The following BCAR3 variants were observed in gnomAD, a reference collection of about 807,000 sequenced individuals.
The protein encoded by BCAR3 is breast cancer anti-estrogen resistance protein 3.
In BCAR3, 37 loss-of-function variants were observed where a neutral mutation model predicts 80.1. The ratio of observed to expected loss-of-function variants is 0.46; its 90% confidence interval spans 0.36 to 0.61. BCAR3 has a LOEUF of 0.61. Among genes scored for constraint, BCAR3 ranks in the 20% least tolerant of loss-of-function variants. The pLI, the probability that BCAR3 is intolerant of heterozygous loss-of-function variation, is 0.00. For synonymous variants in BCAR3, 389 were observed against 418.9 expected (o/e 0.93, Z 0.87); for missense variants, 978 against 1,068.2 (o/e 0.92, Z 1.18).
chr1:93,674,811 A>C lies in BCAR3; in HGVS notation c.120T>G (p.Asp40Glu). The C allele has an allele frequency of 6.2e-7, 1 of 1,607,832 alleles. No homozygotes were observed. Among genetic ancestry groups the C allele is most frequent in the Non-Finnish European group, 8.5e-7 (1 of 1,177,728 alleles). The change falls in exon 2 of 12, where the codon GAT (aspartate) becomes GAG (glutamate). Residue 40 changes from aspartate (D) to glutamate (E), a missense_variant. By Grantham distance (45) the Asp-to-Glu change is conservative. Coordinates refer to ENST00000260502, the MANE Select transcript of BCAR3 (RefSeq NM_003567.4). ...CATGTATAGACACATCTTGATAGGC[A>C]TCTGGGCGATGCTCAGCGAGAGGGG... is the stretch of plus-strand genomic sequence containing the variant. Reference protein sequence around the residue: ...SRSPLAEHRPDAYQDVSIHGT... With the variant: ...SRSPLAEHRPEAYQDVSIHGT...
intron 2 of BCAR3, among the ~76,000 whole-genome samples, chr1:93,654,446 TCTG>T (rs1647274615): frequency 1.3e-5 from 2 of 152,040 alleles, no homozygotes; most frequent in Admixed American, 1.3e-4. Context: ...GGAACTGAAT[TCTG>T]CCAATAACCT....
chr1:93,813,062 T>G (rs1054112066), intron 2 of BCAR3, among the ~76,000 whole-genome samples: 1 of 152,150 alleles, frequency 6.6e-6, no homozygotes, highest in Non-Finnish European at 1.5e-5. Context: ...GGTTCCACCC[T>G]GCATCCCTCC....
chr1:93,760,036 T>C (rs1171453202), intron 2 of BCAR3, among the ~76,000 whole-genome samples: 1 of 152,018 alleles, frequency 6.6e-6, no homozygotes, highest in African/African-American at 2.4e-5. Context: ...GGAGGAAGGG[T>C]AACTTACGTA....
chr1:93,644,091 C>T (rs1274725968), intron 2 of BCAR3, among the ~76,000 whole-genome samples: 1 of 152,128 alleles, frequency 6.6e-6, no homozygotes, highest in South Asian at 2.1e-4. Flanking sequence ...AATATTTTAC[C>T]CCAAAACATG....
rs115118668 is a variant in BCAR3 at position 93,806,542 on chromosome 1, T to C, written c.-63+39025A>G. On this transcript the variant is annotated intron_variant, in intron 2 of 13. Coordinates refer to the BCAR3 transcript ENST00000370244. Reference sequence around the variant, plus strand: ...TGTGGTGACAACTCTTAGTGGTTAATCTTTCCTGGTTATTTGATGAAATTC... The same window carrying C: ...TGTGGTGACAACTCTTAGTGGTTAACCTTTCCTGGTTATTTGATGAAATTC... Among the ~76,000 whole-genome samples the C allele has an allele frequency of 7.8e-3, 1,190 of 152,322 alleles. 14 individuals carry two copies. Among genetic ancestry groups the C allele is most frequent in the African/African-American group, 0.028 (1,150 of 41,574 alleles).
intron 2 of BCAR3, among the ~76,000 whole-genome samples, chr1:93,733,371 G>C (rs1650861433): frequency 6.6e-6 from 1 of 152,252 alleles, no homozygotes; most frequent in South Asian, 2.1e-4. Context: ...CAAGACAGTG[G>C]GCAGGACAGT....
At position 93,643,896 on chromosome 1, in the gene BCAR3, A is replaced by G. The variant is rs149416762; in HGVS notation, c.318-1553T>C. Reference sequence around the variant, plus strand: ...CATGTATTCCATAGCATCATGTTGTATATCTTGGATACATACTGAGGACTA... The same window carrying G: ...CATGTATTCCATAGCATCATGTTGTGTATCTTGGATACATACTGAGGACTA... On this transcript the variant is annotated intron_variant, in intron 2 of 11. Transcript: ENST00000260502. Among the ~76,000 whole-genome samples, 209 of 152,334 alleles carry G rather than the reference A, an allele frequency of 1.4e-3. 1 individual carries two copies. The highest frequency in any genetic ancestry group is 4.9e-3 in the African/African-American group (204 of 41,574).
chr1:93,697,353 T>C (rs1649450472), intron 3 of BCAR3, among the ~76,000 whole-genome samples: 2 of 152,212 alleles, frequency 1.3e-5, no homozygotes, highest in African/African-American at 4.8e-5. Context: ...GTAGCCCACT[T>C]ACCTGCCCAC....
chr1:93,773,559 A>G (rs937378682), intron 2 of BCAR3, among the ~76,000 whole-genome samples: 2 of 152,148 alleles, frequency 1.3e-5, no homozygotes, highest in African/African-American at 2.4e-5. Context: ...CCATAGCCCC[A>G]TGAAACCTGG....
rs1392167668 is a variant in BCAR3, at chr1:93,576,445, C to T, written c.1687-316G>A. Reference sequence around the variant, plus strand: ...TAGTTCTCTGAGCTTTTGTCTGACACCGGCCGGATCCTGCTGCGACGTTTT... The same window carrying T: ...TAGTTCTCTGAGCTTTTGTCTGACATCGGCCGGATCCTGCTGCGACGTTTT... On this transcript the variant is annotated intron_variant, in intron 7 of 11. Transcript: ENST00000260502. Among the ~76,000 whole-genome samples the T allele has an allele frequency of 6.6e-5, 10 of 152,188 alleles. No homozygotes were observed. The East Asian group carries it at 1.9e-3, about 29-fold the overall frequency.
intron 5 of BCAR3, among the ~76,000 whole-genome samples, chr1:93,587,497 C>T (rs145999647): frequency 2.0e-5 from 3 of 152,324 alleles, no homozygotes; most frequent in Non-Finnish European, 4.4e-5. Context: ...AAGTCGCTTG[C>T]CCATGGTTGA....
chr1:93,566,966 G>C (rs1273559153), intron 11 of BCAR3, among the ~76,000 whole-genome samples: 3 of 152,148 alleles, frequency 2.0e-5, no homozygotes, highest in Admixed American at 6.5e-5. Flanking sequence ...GACTTCAAGT[G>C]ATCTACCTGC....
rs1673749261 is a variant in BCAR3 at position 93,582,427 on chromosome 1, A to C, written c.1560T>G (p.Phe520Leu). 6.2e-7 allele frequency: 1 copy of C among 1,614,156 alleles called. No individual in the cohort carries two copies. Among genetic ancestry groups the C allele is most frequent in the Non-Finnish European group, 8.5e-7 (1 of 1,180,016 alleles). The change falls in exon 7 of 12, where the codon TTT (phenylalanine) becomes TTG (leucine). Residue 520 changes from phenylalanine to leucine, a missense_variant. Physicochemically the swap from Phe to Leu is conservative, Grantham distance 22. Transcript: ENST00000260502. ...ETVSSFRPNEFESKFLPPENK... is the reference protein window; with the variant it reads ...ETVSSFRPNELESKFLPPENK... ...TCTCAGGGGGAAGGAACTTTGACTC[A>C]AACTCGTTGGGCCTGAAGGAGGAGA... is the stretch of plus-strand genomic sequence containing the variant.
At chr1:93,567,596 TACAAGCA>T in intron 10 of BCAR3, 105 bp from the exon 11 acceptor site, 1 of 1,429,588 alleles carries the variant, frequency 7.0e-7, no homozygotes, top group Non-Finnish European at 9.6e-7. Flanking sequence ...TGCAGCCTTC[TACAAGCA>T]ACGCTGTCAT....
At chr1:93,658,246 G>T (rs1448071117) in intron 2 of BCAR3, among the ~76,000 whole-genome samples, 1 of 152,088 alleles carries the variant, frequency 6.6e-6, no homozygotes, top group Non-Finnish European at 1.5e-5. Flanking sequence ...GTCCGTTACT[G>T]CTTCTTTTCA....
intron 2 of BCAR3, among the ~76,000 whole-genome samples, chr1:93,745,328 C>A (rs1651317378): frequency 6.6e-6 from 1 of 152,234 alleles, no homozygotes; most frequent in Admixed American, 6.5e-5. Flanking sequence ...GATGAGTTCA[C>A]CCTTCAGCAA....
intron 2 of BCAR3, among the ~76,000 whole-genome samples, chr1:93,755,070 A>C (rs140216003): frequency 1.5e-3 from 235 of 152,356 alleles, no homozygotes; most frequent in African/African-American, 5.3e-3. Flanking sequence ...ACAAAACAAA[A>C]AACTTAAAAA....
At chr1:93,642,199 G>A (rs1349464576) in intron 3 of BCAR3, 105 bp downstream of exon 3, 21 of 1,333,530 alleles carry the variant, frequency 1.6e-5, no homozygotes, top group South Asian at 1.4e-4. Context: ...AGTCTAATCA[G>A]CTTTTTACAC....
At chr1:93,798,402 G>C (rs1653357184) in intron 2 of BCAR3, among the ~76,000 whole-genome samples, 1 of 151,828 alleles carries the variant, frequency 6.6e-6, no homozygotes, top group Non-Finnish European at 1.5e-5. Flanking sequence ...TTCACTCCAG[G>C]GAGTCATGTT....
Sources: allele counts gnomAD v4.1 joint callset (sites outside exome capture counted in the v4.1 genomes callset), GRCh38; gene constraint gnomAD v4.1.1; transcripts MANE v1.5; gene names NCBI Gene and HGNC (gene_info 2026-07-23, HGNC 2026-07-21).